Variants in CCBE1 observed in about 807,000 individuals in gnomAD.
CCBE1 encodes collagen and calcium binding EGF domains 1.
Under a neutral mutation model 50.0 loss-of-function variants are expected in CCBE1, and 37 were observed. The ratio of observed to expected loss-of-function variants is 0.74; its 90% CI spans 0.57 to 0.97. The LOEUF (loss-of-function observed/expected upper bound fraction) is 0.97, where lower values mean the gene tolerates loss of function less well. Ranked by LOEUF, CCBE1 falls within the 50% of genes least tolerant of loss-of-function variation. The probability of loss-of-function intolerance (pLI) is 0.00; values close to 1 mark genes in which losing one functional copy is unlikely to be tolerated. For synonymous variants in CCBE1, 234 were observed against 203.7 expected (o/e 1.15, Z -1.27); for missense variants, 538 against 523.8 (o/e 1.03, Z -0.26).
chr18:59,452,729 G>A (rs956931238), intron 6 of CCBE1, among the ~76,000 whole-genome samples: 5 of 152,164 alleles, frequency 3.3e-5, no homozygotes, highest in Admixed American at 6.5e-5. Context: ...TCTTTTCCAC[G>A]GGGTCATGGT....
chr18:59,441,543 G>A (rs1910425762), intron 7 of CCBE1, among the ~76,000 whole-genome samples: 1 of 151,816 alleles, frequency 6.6e-6, no homozygotes, highest in Admixed American at 6.6e-5. Context: ...ACAATCAGCA[G>A]GACAAGCCTC....
intron 7 of CCBE1, among the ~76,000 whole-genome samples, chr18:59,441,434 A>G (rs1331693324): frequency 2.0e-5 from 3 of 151,192 alleles, no homozygotes; most frequent in Non-Finnish European, 2.9e-5. Flanking sequence ...CAGTGAGCTG[A>G]GATTGTACCA....
At chr18:59,558,607 C>T (rs2052686587) in intron 2 of CCBE1, among the ~76,000 whole-genome samples, 2 of 152,216 alleles carry the variant, frequency 1.3e-5, no homozygotes, top group South Asian at 4.1e-4. Context: ...TGATGCTGTA[C>T]AGGGGCTCTT....
chr18:59,531,783 A>T (rs376927282), intron 2 of CCBE1, among the ~76,000 whole-genome samples: 6 of 152,140 alleles, frequency 3.9e-5, no homozygotes, highest in South Asian at 2.1e-4. Flanking sequence ...AAGCCTACAG[A>T]TCATTCACTC....
At position 59,680,497 on chromosome 18, in the gene CCBE1, G is replaced by T. The variant is rs184703281; in HGVS notation, c.212+16132C>A. ...GAGGATCACGAGGTCAGGAGATCAA[G>T]ACCATGCTGGCTAACATGGTGAAAC... On this transcript the variant is annotated intron_variant, in intron 2 of 10. Transcript: ENST00000439986. 2.6e-5 allele frequency among the ~76,000 whole-genome samples: 4 copies of T among 152,110 alleles called. No homozygotes were observed. In the East Asian group the frequency reaches 7.8e-4, roughly 30 times the overall value.
rs1914810506 is a variant in CCBE1, at chr18:59,526,166, G to A, written c.213-45928C>T. Among the ~76,000 whole-genome samples, 4 of 152,112 alleles carry A rather than the reference G, an allele frequency of 2.6e-5. 1 individual carries two copies. Among genetic ancestry groups the A allele is most frequent in the Middle Eastern group, 6.8e-3 (2 of 294 alleles). On this transcript the variant is annotated intron_variant, in intron 2 of 10. Coordinates refer to ENST00000439986, the MANE Select transcript of CCBE1 (RefSeq NM_133459.4). ...GGGAATAGCATTGAATTTATAAATTGATTTTTTGAAGGGTTTTTCGTGTAT... is the reference window on the plus strand; with the variant it reads ...GGGAATAGCATTGAATTTATAAATTAATTTTTTGAAGGGTTTTTCGTGTAT...
At chr18:59,601,053 A>G (rs2053425052) in intron 2 of CCBE1, among the ~76,000 whole-genome samples, 1 of 75,170 alleles carries the variant, frequency 1.3e-5, no homozygotes, top group Non-Finnish European at 2.5e-5. Flanking sequence ...TTTTTGTAAG[A>G]CAGGGTCTCA....
chr18:59,486,614 AGGGGTGGCTACC>A (rs1912834919), intron 2 of CCBE1, among the ~76,000 whole-genome samples: 1 of 152,228 alleles, frequency 6.6e-6, no homozygotes, highest in Non-Finnish European at 1.5e-5. Context: ...GGGAGGCTCC[AGGGGTGGCTACC>A]GTGGAGAAGC....
chr18:59,612,720 T>C (rs1310433200), intron 2 of CCBE1, among the ~76,000 whole-genome samples: 1 of 151,996 alleles, frequency 6.6e-6, no homozygotes, highest in Non-Finnish European at 1.5e-5. Flanking sequence ...TGCTATGCAA[T>C]GGGAGCCGCC....
intron 2 of CCBE1, among the ~76,000 whole-genome samples, chr18:59,497,389 A>T (rs1034671878): frequency 4.6e-5 from 7 of 152,206 alleles, no homozygotes; most frequent in Admixed American, 2.0e-4. Flanking sequence ...CAAAGAACAT[A>T]AGTGTCTAAC....
chr18:59,685,690 T>C (rs896865701), intron 2 of CCBE1: 1 of 152,224 alleles, frequency 6.6e-6, no homozygotes, highest in East Asian at 1.9e-4. Context: ...GCAGCCTGAA[T>C]GCTGGGAATT....
intron 2 of CCBE1, among the ~76,000 whole-genome samples, chr18:59,628,029 A>G (rs1203928149): frequency 1.3e-5 from 2 of 152,220 alleles, no homozygotes; most frequent in East Asian, 3.9e-4. Context: ...CCTGGGCAAC[A>G]TAACGACACC....
At chr18:59,679,953 G>C (rs991840029) in intron 2 of CCBE1, among the ~76,000 whole-genome samples, 2 of 152,224 alleles carry the variant, frequency 1.3e-5, no homozygotes, top group Non-Finnish European at 2.9e-5. Flanking sequence ...GCCGGGCACA[G>C]TTGTTCATGC....
At chr18:59,544,587 C>G (rs1372023598) in intron 2 of CCBE1, among the ~76,000 whole-genome samples, 4 of 152,178 alleles carry the variant, frequency 2.6e-5, no homozygotes, top group Non-Finnish European at 5.9e-5. Flanking sequence ...TCGAGGTCCT[C>G]TTTTCCATTG....
intron 3 of CCBE1, among the ~76,000 whole-genome samples, chr18:59,474,837 A>G (rs1488161782): frequency 2.0e-5 from 3 of 152,058 alleles, no homozygotes; most frequent in Admixed American, 6.6e-5. Flanking sequence ...TTTGGTGTAA[A>G]TTGGGGTTGC....
intron 6 of CCBE1, among the ~76,000 whole-genome samples, chr18:59,450,054 G>A (rs563781061): frequency 1.3e-5 from 2 of 152,302 alleles, no homozygotes; most frequent in Non-Finnish European, 2.9e-5. Context: ...CACAGCAGAC[G>A]ATGGGCTGTG....
chr18:59,578,078 T>G (rs2053025380), intron 2 of CCBE1, among the ~76,000 whole-genome samples: 2 of 152,296 alleles, frequency 1.3e-5, no homozygotes, highest in South Asian at 4.2e-4. Context: ...AAAGGGCTAA[T>G]ATTTAGAATC....
At chr18:59,549,097 C>T (rs148652330) in intron 2 of CCBE1, among the ~76,000 whole-genome samples, 1,922 of 107,740 alleles carry the variant, frequency 0.018, 20 homozygotes, top group Non-Finnish European at 0.026. Flanking sequence ...AATAAGACTC[C>T]GTCTCAAAAA....
At chr18:59,607,250 A>G (rs1302533069) in intron 2 of CCBE1, among the ~76,000 whole-genome samples, 1 of 152,204 alleles carries the variant, frequency 6.6e-6, no homozygotes, top group Non-Finnish European at 1.5e-5. Context: ...TTAGATAAGC[A>G]TGTACCAGTC....
Sources: allele counts gnomAD v4.1 joint callset (sites outside exome capture counted in the v4.1 genomes callset), GRCh38; gene constraint gnomAD v4.1.1; transcripts MANE v1.5; gene names NCBI Gene and HGNC (gene_info 2026-07-23, HGNC 2026-07-21).